LRRTM4: variants seen among roughly 807,000 people sequenced by gnomAD.
The protein encoded by LRRTM4 is leucine rich repeat transmembrane neuronal 4.
In LRRTM4, 25 loss-of-function variants were observed where a neutral mutation model predicts 47.6. The ratio of observed to expected loss-of-function variants is 0.53; its 90% confidence interval spans 0.38 to 0.73. The LOEUF (loss-of-function observed/expected upper bound fraction) is 0.73. Ranked by LOEUF, LRRTM4 falls within the 30% of genes least tolerant of loss-of-function variation. The pLI, the probability that LRRTM4 is intolerant of heterozygous loss-of-function variation, is 0.00. For synonymous variants in LRRTM4, 311 were observed against 269.5 expected, an observed-to-expected ratio of 1.15 and a Z score of -1.51; for missense variants, 638 against 713.4, an observed-to-expected ratio of 0.89 and a Z score of 1.20.
At chr2:76,786,429 G>A (rs4852416) in intron 3 of LRRTM4, among the ~76,000 whole-genome samples, 60,468 of 151,736 alleles carry the variant, frequency 0.4, 13,343 homozygotes, top group Non-Finnish European at 0.51. Flanking sequence ...TATCTTTTCA[G>A]TTCTTATATA....
chr2:77,012,661 A>G (rs1240709906), intron 3 of LRRTM4, among the ~76,000 whole-genome samples: 4 of 152,128 alleles, frequency 2.6e-5, no homozygotes, highest in African/African-American at 9.7e-5. Flanking sequence ...GAACCTCTAG[A>G]TATGGAACTG....
intron 3 of LRRTM4, among the ~76,000 whole-genome samples, chr2:77,114,039 G>A (rs975729208): frequency 2.0e-5 from 3 of 152,144 alleles, no homozygotes; most frequent in Non-Finnish European, 4.4e-5. Flanking sequence ...AGGTGGGGGA[G>A]GAGTAGGCGA....
chr2:76,787,098 C>T (rs1285526402), intron 3 of LRRTM4, among the ~76,000 whole-genome samples: 1 of 151,748 alleles, frequency 6.6e-6, no homozygotes, highest in African/African-American at 2.4e-5. Flanking sequence ...AAAGACAATA[C>T]ATGTGGCAAG....
intron 3 of LRRTM4, among the ~76,000 whole-genome samples, chr2:77,323,719 T>G (rs531852385): frequency 2.0e-5 from 3 of 152,262 alleles, no homozygotes; most frequent in African/African-American, 7.2e-5. Context: ...GAGTTGCAAT[T>G]CGAACTGCAT....
intron 3 of LRRTM4, among the ~76,000 whole-genome samples, chr2:77,260,366 C>CA (rs913220031): frequency 7.4e-6 from 1 of 135,240 alleles, no homozygotes; most frequent in East Asian, 2.2e-4. Flanking sequence ...GAAGTACTAC[C>CA]AAAAAATCGT....
At chr2:76,869,908 T>G (rs1251685015) in intron 3 of LRRTM4, among the ~76,000 whole-genome samples, 1 of 152,226 alleles carries the variant, frequency 6.6e-6, no homozygotes, top group Non-Finnish European at 1.5e-5. Context: ...TTACATTTGC[T>G]TTCTTGAAAT....
intron 3 of LRRTM4, among the ~76,000 whole-genome samples, chr2:76,778,984 G>C (rs1674192046): frequency 6.9e-6 from 1 of 145,556 alleles, no homozygotes; most frequent in South Asian, 2.3e-4. Flanking sequence ...TGGTTTCAAA[G>C]AACATCCTTA....
intron 3 of LRRTM4, among the ~76,000 whole-genome samples, chr2:77,085,810 C>T (rs77699999): frequency 0.044 from 6,643 of 152,158 alleles, 164 homozygotes; most frequent in South Asian, 0.082. Context: ...AACTGATTAG[C>T]TAATGTAAAA....
chr2:76,910,660 T>C (rs1422301671), intron 3 of LRRTM4, among the ~76,000 whole-genome samples: 1 of 152,224 alleles, frequency 6.6e-6, no homozygotes, highest in East Asian at 1.9e-4. Context: ...ATAATAACTT[T>C]GTGGCTTTGA....
intron 3 of LRRTM4, among the ~76,000 whole-genome samples, chr2:76,839,288 C>T (rs1383047746): frequency 6.6e-6 from 1 of 151,976 alleles, no homozygotes; most frequent in Non-Finnish European, 1.5e-5. Flanking sequence ...CTGAAAGCAC[C>T]AACACAAGAT....
At chr2:76,820,358 A>C (rs930674704) in intron 3 of LRRTM4, among the ~76,000 whole-genome samples, 11 of 151,794 alleles carry the variant, frequency 7.2e-5, no homozygotes, top group Non-Finnish European at 1.3e-4. Context: ...AATTAGAAGA[A>C]TAAGACTCAA....
chr2:77,344,389 T>C (rs1312936589), intron 3 of LRRTM4, among the ~76,000 whole-genome samples: 2 of 151,700 alleles, frequency 1.3e-5, no homozygotes, highest in Non-Finnish European at 2.9e-5. Context: ...AATAGCTAAA[T>C]GGAAATTTTA....
Position 76,819,145 on chromosome 2 carries a change from C to T in LRRTM4, c.1552-70229G>A, listed in dbSNP as rs79530524. 4.1e-3 allele frequency among the ~76,000 whole-genome samples: 621 copies of T among 151,826 alleles called. 4 individuals carry two copies. The highest frequency in any genetic ancestry group is 0.014 in the African/African-American group (597 of 41,478). On this transcript the variant is annotated intron_variant, in intron 3 of 3. Coordinates refer to ENST00000409884, the MANE Select transcript of LRRTM4 (RefSeq NM_001134745.3). ...AACTAAAATAAAGCTAAATCTATCC[C>T]TGTATAATTAGGAATAAGGTAAAGG...
intron 3 of LRRTM4, among the ~76,000 whole-genome samples, chr2:77,136,430 G>A (rs1282742116): frequency 6.6e-6 from 1 of 152,160 alleles, no homozygotes; most frequent in Non-Finnish European, 1.5e-5. Context: ...ACTGTTAGAA[G>A]GAAAACTAAC....
intron 3 of LRRTM4, among the ~76,000 whole-genome samples, chr2:77,398,135 T>C (rs1456254054): frequency 6.6e-6 from 1 of 151,886 alleles, no homozygotes; most frequent in African/African-American, 2.4e-5. Context: ...ATTATTCCAG[T>C]GCAAATAATT....
chr2:77,202,964 C>T (rs1320599265), intron 3 of LRRTM4, among the ~76,000 whole-genome samples: 1 of 151,976 alleles, frequency 6.6e-6, no homozygotes, highest in South Asian at 2.1e-4. Flanking sequence ...TTGGAAGGCC[C>T]TCAGGTGACC....
rs1558667297 is a variant in LRRTM4 at position 76,807,413 on chromosome 2, T to TATATATATACACAC, written c.1552-58498_1552-58497insGTGTGTATATATAT. The stretch of plus-strand genomic sequence containing the variant: ...ATATATATATATGTATATACGTATA[T>TATATATATACACAC]ATATATATATACATATATATATACG... On this transcript the variant is annotated intron_variant, in intron 3 of 3. Coordinates refer to ENST00000409884, the MANE Select transcript of LRRTM4 (RefSeq NM_001134745.3). Among the ~76,000 whole-genome samples, 8 of 95,012 alleles carry TATATATATACACAC rather than the reference T, an allele frequency of 8.4e-5. 1 individual carries two copies. Among genetic ancestry groups the TATATATATACACAC allele is most frequent in the East Asian group, 3.5e-4 (1 of 2,822 alleles). 62.3% of individuals were successfully genotyped at this position (95,012 alleles called of 152,430 possible).
Position 76,968,166 on chromosome 2 carries a change from A to G in LRRTM4, c.1552-219250T>C, listed in dbSNP as rs1357232571. Among the ~76,000 whole-genome samples, 9 of 151,352 alleles carry G rather than the reference A, an allele frequency of 5.9e-5. No homozygotes were observed. In the East Asian group the frequency reaches 1.8e-3, roughly 30 times the overall value. On this transcript the variant is annotated intron_variant, in intron 3 of 3. Transcript: ENST00000409884. The stretch of plus-strand genomic sequence containing the variant: ...TATGCAAAGCCTACACAGGAAAAAA[A>G]AAGTAGCTTACAAGACATTCATAAA...
intron 3 of LRRTM4, among the ~76,000 whole-genome samples, chr2:77,140,535 TA>T (rs1672090690): frequency 6.8e-6 from 1 of 147,716 alleles, no homozygotes; most frequent in African/African-American, 2.6e-5. Context: ...GAAGAAAACC[TA>T]GGCAATACCA....
Sources: allele counts gnomAD v4.1 joint callset (sites outside exome capture counted in the v4.1 genomes callset), GRCh38; gene constraint gnomAD v4.1.1; transcripts MANE v1.5; gene names NCBI Gene and HGNC (gene_info 2026-07-23, HGNC 2026-07-21).